Variants in CUTC observed in about 807,000 individuals in gnomAD.
CUTC encodes the protein cutC copper transporter.
In CUTC, 27 loss-of-function variants were observed where a neutral mutation model predicts 36.2. The observed-to-expected ratio is 0.75, with a 90% CI of 0.55 to 1.03. CUTC has a LOEUF of 1.03. CUTC is among the 50% of genes least tolerant of loss of function. The pLI, the probability that CUTC is intolerant of heterozygous loss-of-function variation, is 0.00. For synonymous variants in CUTC, 114 were observed against 118.3 expected (o/e 0.96, Z 0.24); for missense variants, 315 against 343.5 (o/e 0.92, Z 0.66).
intron 8 of CUTC, 133 bp downstream of exon 8, chr10:99,754,767 T>C: frequency 1.6e-6 from 1 of 622,672 alleles, no homozygotes. Context: ...TTGTAGTTGT[T>C]TTTGTAGTTG....
chr10:99,749,076 T>C (rs2037399431), intron 6 of CUTC, among the ~76,000 whole-genome samples: 1 of 152,174 alleles, frequency 6.6e-6, no homozygotes, highest in Non-Finnish European at 1.5e-5. Context: ...ATGTATTGCA[T>C]TTCAAAATGT....
intron 2 of CUTC, among the ~76,000 whole-genome samples, chr10:99,737,280 A>T (rs1359153346): frequency 6.6e-6 from 1 of 152,068 alleles, no homozygotes; most frequent in Non-Finnish European, 1.5e-5. Context: ...AAAAAAAAAA[A>T]AGTTAAAAAA....
At chr10:99,752,166 C>T (rs1297613204) in intron 7 of CUTC, among the ~76,000 whole-genome samples, 1 of 152,064 alleles carries the variant, frequency 6.6e-6, no homozygotes, top group Non-Finnish European at 1.5e-5. Flanking sequence ...TAAAGAGTAA[C>T]TTTTAAAAAG....
At chr10:99,752,972 C>G (rs762632861) in intron 7 of CUTC, among the ~76,000 whole-genome samples, 75 of 152,154 alleles carry the variant, frequency 4.9e-4, no homozygotes, top group Admixed American at 1.0e-3. Context: ...AAGTATTCAT[C>G]ATTGAGAAAT....
At chr10:99,752,060 C>T (rs1320108411) in intron 7 of CUTC, among the ~76,000 whole-genome samples, 1 of 152,122 alleles carries the variant, frequency 6.6e-6, no homozygotes, top group Admixed American at 6.5e-5. Flanking sequence ...TGCATACTTA[C>T]ATCATATGAC....
In CUTC at chr10:99,739,707, C is replaced by T. The variant is rs778813695; in HGVS notation, c.134-3C>T. The T allele has an allele frequency of 1.2e-6, 2 of 1,608,742 alleles. No homozygotes were observed. The highest frequency in any genetic ancestry group is 1.3e-5 in the African/African-American group (1 of 74,570). ...TGTGTTGAGCAATGCTTTTATATTA[C>T]AGGTGCTGATCGGATTGAATTATGT... is the stretch of plus-strand genomic sequence containing the variant. On this transcript the variant is annotated splice_polypyrimidine_tract_variant and splice_region_variant and intron_variant, in intron 2 of 8. Coordinates refer to ENST00000370476, the MANE Select transcript of CUTC (RefSeq NM_015960.3).
intron 5 of CUTC, among the ~76,000 whole-genome samples, chr10:99,744,918 A>T (rs1286574651): frequency 2.6e-5 from 4 of 152,108 alleles, no homozygotes; most frequent in African/African-American, 7.2e-5. Context: ...ATGCCCAGCT[A>T]ATTTTTGGAT....
At chr10:99,742,821 A>G (rs1325730000) in intron 3 of CUTC, among the ~76,000 whole-genome samples, 2 of 152,200 alleles carry the variant, frequency 1.3e-5, no homozygotes, top group Non-Finnish European at 2.9e-5. Context: ...AATGAATTAG[A>G]AAGAAGAAAT....
intron 2 of CUTC, among the ~76,000 whole-genome samples, chr10:99,739,127 G>A (rs1283197421): frequency 6.6e-6 from 1 of 152,082 alleles, no homozygotes; most frequent in South Asian, 2.1e-4. Context: ...GATATATTTT[G>A]TGTGTTTTAA....
intron 1 of CUTC, among the ~76,000 whole-genome samples, chr10:99,734,745 T>C (rs898882104): frequency 3.4e-4 from 52 of 152,152 alleles, no homozygotes; most frequent in African/African-American, 1.2e-3. Context: ...AATATTTGAT[T>C]ATTGTGTACC....
Position 99,736,279 on chromosome 10 carries a change from T to C in CUTC, c.95T>C (p.Val32Ala). The change falls in exon 2 of 9, where the codon GTT (valine) becomes GCT (alanine). Residue 32 changes from valine to alanine, a missense_variant. Physicochemically the swap from Val to Ala is moderately conservative, Grantham distance 64. Coordinates refer to ENST00000370476, the MANE Select transcript of CUTC (RefSeq NM_015960.3). ...AATGGATTTCTCATGGAAGTTTGTG[T>C]TGATTCAGTGGAATCAGCTGTGAAT... ...AANGFLMEVCVDSVESAVNAE... is the reference protein window; with the variant it reads ...AANGFLMEVCADSVESAVNAE... 1 of 1,613,936 alleles carries C rather than the reference T, an allele frequency of 6.2e-7. No individual in the cohort carries two copies. The highest frequency in any genetic ancestry group is 8.5e-7 in the Non-Finnish European group (1 of 1,179,840).
At position 99,739,601 on chromosome 10, in the gene CUTC, G is replaced by C. The variant is rs567176354; in HGVS notation, c.134-109G>C. On this transcript the variant is annotated intron_variant, in intron 2 of 8. Transcript: ENST00000370476. ...TAGCTTTATAATTTGATTTCTCTGAGATGATTTCTAAGACTGTTCTATATT... is the reference window on the plus strand; with the variant it reads ...TAGCTTTATAATTTGATTTCTCTGACATGATTTCTAAGACTGTTCTATATT... 8 of 949,786 alleles carry C rather than the reference G, an allele frequency of 8.4e-6. No homozygotes were observed. The Admixed American group carries it at 2.0e-4, about 24-fold the overall frequency. The allele number at this position is 949,786 out of a possible 1,614,324, so 58.8% of individuals were successfully genotyped here. A position where few individuals can be genotyped will look rare whatever the true frequency, so the allele number is the denominator to read the frequency against.
chr10:99,732,724 C>CGCCCGCACCAGCAGCCAGTACT, intron 1 of CUTC: 1 of 606,622 alleles, frequency 1.6e-6, no homozygotes, highest in Non-Finnish European at 2.1e-6. Context: ...ATGCCAGTAC[C>CGCCCGCACCAGCAGCCAGTACT]GCCCGCACCA....
In CUTC at chr10:99,732,363, G is replaced by A. The variant is rs1236228255; in HGVS notation, c.15G>A (p.Gly5=). 1 of 1,553,168 alleles carries A rather than the reference G, an allele frequency of 6.4e-7. No individual in the cohort carries two copies. The highest frequency in any genetic ancestry group is 2.0e-5 in the Admixed American group (1 of 51,160). ...ACGCGTGGAGCATGAAAAGGCAGGG[G>A]GCCTCCTCTGAGCGAAAACGAGCGC... MKRQ[G]ASSERKRARI... is the part of the protein sequence containing the mutation. The change falls in exon 1 of 9, where the codon GGG becomes GGA. Residue 5 remains glycine, a synonymous_variant. Coordinates refer to ENST00000370476, the MANE Select transcript of CUTC (RefSeq NM_015960.3).
At chr10:99,738,138 T>TC (rs910623690) in intron 2 of CUTC, among the ~76,000 whole-genome samples, 50 of 148,368 alleles carry the variant, frequency 3.4e-4, no homozygotes, top group African/African-American at 1.2e-3. Flanking sequence ...AGAGCAAAAC[T>TC]CCGTCTCAAA....
intron 6 of CUTC, among the ~76,000 whole-genome samples, chr10:99,748,829 G>C (rs531799765): frequency 1.8e-4 from 28 of 152,280 alleles, no homozygotes; most frequent in African/African-American, 6.0e-4. Flanking sequence ...AAAACAAATA[G>C]TATAAGCAAG....
At chr10:99,739,628 G>A in intron 2 of CUTC, 82 bp from the exon 3 acceptor site, 1 of 1,281,080 alleles carries the variant, frequency 7.8e-7, no homozygotes. Flanking sequence ...TTCTATATTT[G>A]GAAAAAATAT....
intron 5 of CUTC, among the ~76,000 whole-genome samples, chr10:99,745,942 G>A (rs1005281769): frequency 3.3e-5 from 5 of 152,164 alleles, no homozygotes; most frequent in African/African-American, 1.2e-4. Context: ...TTGAGTATGT[G>A]GGGTTAATAG....
At chr10:99,748,632 T>C (rs1339400723) in intron 6 of CUTC, among the ~76,000 whole-genome samples, 2 of 152,092 alleles carry the variant, frequency 1.3e-5, no homozygotes, top group African/African-American at 4.8e-5. Flanking sequence ...TAGGAGTACA[T>C]TGGAGAGGAA....
Sources: gnomAD v4.1 joint callset for allele counts (sites outside exome capture counted in the v4.1 genomes callset) on GRCh38, gnomAD v4.1.1 for gene constraint, MANE v1.5 for transcripts, NCBI Gene and HGNC (gene_info 2026-07-23, HGNC 2026-07-21) for gene names.